The following PLAG1 variants were observed in gnomAD, a reference collection of about 807,000 sequenced individuals.
PLAG1 encodes zinc finger protein PLAG1.
PLAG1 carries 7 observed loss-of-function variants against 35.5 expected under a neutral mutation model. The ratio of observed to expected loss-of-function variants is 0.20; its 90% CI spans 0.11 to 0.37. PLAG1 has a LOEUF of 0.37. Ranked by LOEUF, PLAG1 falls within the 10% of genes least tolerant of loss-of-function variation. The pLI is 1.00. For missense variants in PLAG1, 454 were observed against 602.8 expected (o/e 0.75, Z 2.58); for synonymous variants, 229 against 225.4 (o/e 1.02, Z -0.14).
chr8:56,202,969 AC>A (rs1416033678), intron 1 of PLAG1, among the ~76,000 whole-genome samples: 2 of 152,204 alleles, frequency 1.3e-5, no homozygotes, highest in Non-Finnish European at 2.9e-5. Flanking sequence ...AAATTGAAAT[AC>A]CATTAAAAGT....
intron 1 of PLAG1, among the ~76,000 whole-genome samples, chr8:56,208,980 G>A (rs1812774937): frequency 6.6e-6 from 1 of 152,188 alleles, no homozygotes; most frequent in African/African-American, 2.4e-5. Flanking sequence ...GTGTTGGTGT[G>A]TGTGCTTTCC....
At position 56,178,322 on chromosome 8, in the gene PLAG1, G is replaced by A. The variant is rs190946452; in HGVS notation, c.-217+1087C>T. Among the ~76,000 whole-genome samples the A allele has an allele frequency of 2.7e-3, 411 of 151,366 alleles. 3 individuals carry two copies. Among genetic ancestry groups the A allele is most frequent in the African/African-American group, 9.4e-3 (389 of 41,232 alleles). On this transcript the variant is annotated intron_variant, in intron 2 of 4. Transcript: ENST00000316981. Reference sequence around the variant, plus strand: ...AAACTAGTCATTTTTCCTTTTTCTAGCTACTAAAAAACAACTTCATTGAAA... The same window carrying A: ...AAACTAGTCATTTTTCCTTTTTCTAACTACTAAAAAACAACTTCATTGAAA...
At chr8:56,191,337 T>C (rs1585809061) in intron 1 of PLAG1, among the ~76,000 whole-genome samples, 2 of 152,078 alleles carry the variant, frequency 1.3e-5, no homozygotes, top group South Asian at 2.1e-4. Context: ...GCATAAACTG[T>C]AGCAGCAGAG....
At chr8:56,181,028 C>T (rs567826411) in intron 1 of PLAG1, among the ~76,000 whole-genome samples, 17 of 152,286 alleles carry the variant, frequency 1.1e-4, no homozygotes, top group Admixed American at 5.9e-4. Context: ...TACCATCTCA[C>T]GCCAGTTAGA....
At chr8:56,168,790 T>C (rs1811430048) in intron 3 of PLAG1, among the ~76,000 whole-genome samples, 1 of 152,192 alleles carries the variant, frequency 6.6e-6, no homozygotes, top group Admixed American at 6.5e-5. Context: ...AAAAATCAGT[T>C]TGATTTGTGC....
Position 56,166,983 on chromosome 8 carries a change from T to A in PLAG1, c.763A>T (p.Thr255Ser). 1 of 1,614,118 alleles carries A rather than the reference T, an allele frequency of 6.2e-7. No homozygotes were observed. Among genetic ancestry groups the A allele is most frequent in the East Asian group, 2.2e-5 (1 of 44,874 alleles). ...TEPVDFLDPF[T>S]CNVSVPIKDE... ...TTTATAGGCACAGACACATTGCAGG[T>A]AAATGGGTCAAGGAAATCCACTGGT... Residue 255 changes from threonine (T) to serine (S), a missense_variant, in exon 5 of 5, where the codon ACC (threonine) becomes TCC (serine). Coordinates refer to ENST00000316981, the MANE Select transcript of PLAG1 (RefSeq NM_002655.3).
At chr8:56,197,753 T>A (rs1812426389) in intron 1 of PLAG1, among the ~76,000 whole-genome samples, 1 of 152,176 alleles carries the variant, frequency 6.6e-6, no homozygotes, top group African/African-American at 2.4e-5. Context: ...CTGTCTTTCT[T>A]TGGAGCATGT....
intron 1 of PLAG1, among the ~76,000 whole-genome samples, chr8:56,199,089 G>T (rs866788686): frequency 6.6e-6 from 1 of 152,220 alleles, no homozygotes; most frequent in Non-Finnish European, 1.5e-5. Context: ...CGCAGGAGTG[G>T]GAACGGGTGC....
At chr8:56,199,170 G>C (rs1419026970) in intron 1 of PLAG1, among the ~76,000 whole-genome samples, 1 of 152,180 alleles carries the variant, frequency 6.6e-6, no homozygotes. Flanking sequence ...AAATGCTGGT[G>C]GTTGGGGGGA....
At chr8:56,178,059 T>A in intron 2 of PLAG1, 1 of 942,904 alleles carries the variant, frequency 1.1e-6, no homozygotes, top group South Asian at 4.9e-5. Context: ...GTTCCATAGC[T>A]CCTTAAGCAC....
chr8:56,210,528 T>C (rs759291584), intron 1 of PLAG1, among the ~76,000 whole-genome samples: 49 of 150,694 alleles, frequency 3.3e-4, no homozygotes, highest in Admixed American at 1.9e-3. Context: ...AAGAAAAACC[T>C]CTTTTGAAAA....
At chr8:56,209,927 C>CT (rs547758034) in intron 1 of PLAG1, among the ~76,000 whole-genome samples, 55 of 152,168 alleles carry the variant, frequency 3.6e-4, no homozygotes, top group Non-Finnish European at 6.5e-4. Context: ...AATGGCATCA[C>CT]TTTTTTTTCC....
chr8:56,207,997 G>A (rs1175664818), intron 1 of PLAG1, among the ~76,000 whole-genome samples: 2 of 152,060 alleles, frequency 1.3e-5, no homozygotes, highest in Admixed American at 6.5e-5. Flanking sequence ...CTTTTATTTA[G>A]ATTGACAATA....
rs34779318 is a variant in PLAG1 at position 56,163,210 on chromosome 8, CTTTTTTTT to C, written c.*3025_*3032del. 45 of 97,224 alleles carry C rather than the reference CTTTTTTTT, an allele frequency of 4.6e-4. No individual in the cohort carries two copies. The highest frequency in any genetic ancestry group is 7.5e-4 in the African/African-American group (15 of 19,936). 6.0% of individuals were successfully genotyped at this position (97,224 alleles called of 1,614,324 possible). A position where few individuals can be genotyped will look rare whatever the true frequency, so the allele number is the denominator to read the frequency against. On this transcript the variant is annotated 3_prime_UTR_variant, in exon 5 of 5. Transcript: ENST00000316981. ...AACTACTTTTATTTAATGTTAATCC[CTTTTTTTT>C]TTTTTTTTTTTTTTTTTTAACCAAG...
Position 56,167,758 on chromosome 8 carries a change from C to T in PLAG1, c.243-255G>A, listed in dbSNP as rs1563373983. ...AAATGAGCAAGACTGAATATACTCA[C>T]GTAAACGTCCTTACCCTTTTCTTGT... On this transcript the variant is annotated intron_variant, in intron 4 of 4. Transcript: ENST00000316981. The surrounding 1 kb of genome is among the most constrained non-coding windows in gnomAD (Gnocchi z 5.9). Among the ~76,000 whole-genome samples, 3 of 152,188 alleles carry T rather than the reference C, an allele frequency of 2.0e-5. No individual in the cohort carries two copies. Among genetic ancestry groups the T allele is most frequent in the African/African-American group, 2.4e-5 (1 of 41,450 alleles).
intron 2 of PLAG1, among the ~76,000 whole-genome samples, chr8:56,177,358 G>A (rs775983675): frequency 6.6e-6 from 1 of 152,158 alleles, no homozygotes; most frequent in Non-Finnish European, 1.5e-5. Flanking sequence ...AGGGTAAACA[G>A]GATCAGTTCT....
chr8:56,187,465 A>G (rs575598893), intron 1 of PLAG1, among the ~76,000 whole-genome samples: 1 of 152,204 alleles, frequency 6.6e-6, no homozygotes, highest in Non-Finnish European at 1.5e-5. Context: ...TCAATGATGT[A>G]TTTAGTCTCT....
chr8:56,187,699 A>C (rs755575674), intron 1 of PLAG1, among the ~76,000 whole-genome samples: 3 of 152,184 alleles, frequency 2.0e-5, no homozygotes, highest in Non-Finnish European at 2.9e-5. Context: ...AATCACAGTC[A>C]ATGGAATCTT....
chr8:56,194,782 G>A (rs891479171), intron 1 of PLAG1, among the ~76,000 whole-genome samples: 9 of 152,120 alleles, frequency 5.9e-5, no homozygotes, highest in African/African-American at 1.9e-4. Context: ...GCCTGTAGGA[G>A]AAAGAGAATG....
Sources: allele counts gnomAD v4.1 joint callset (sites outside exome capture counted in the v4.1 genomes callset), GRCh38; gene constraint gnomAD v4.1.1; non-coding constraint Gnocchi (gnomAD v3.1); transcripts MANE v1.5; gene names NCBI Gene and HGNC (gene_info 2026-07-23, HGNC 2026-07-21).